The following ANK1 variants were observed in gnomAD, a reference collection of about 807,000 sequenced individuals.
ANK1 encodes ankyrin 1, also known as ankyrin-1.
A neutral mutation model predicts 210.4 loss-of-function variants in ANK1; 51 were observed. The observed-to-expected ratio is 0.24, with a 90% CI of 0.19 to 0.31. ANK1 has a LOEUF of 0.31. Ranked by LOEUF, ANK1 falls within the 10% of genes least tolerant of loss-of-function variation. ANK1 has a pLI of 1.00. For missense variants in ANK1, 2,051 were observed against 2,504.4 expected (o/e 0.82, Z 3.86); for synonymous variants, 967 against 1,025.9 (o/e 0.94, Z 1.10).
intron 1 of ANK1, among the ~76,000 whole-genome samples, chr8:41,858,591 G>A (rs1164024956): frequency 2.6e-5 from 4 of 152,182 alleles, no homozygotes; most frequent in Non-Finnish European, 5.9e-5. Flanking sequence ...CACAGCCGCA[G>A]GGAGCCCACA....
rs767975467 is a variant in ANK1 at position 41,748,505 on chromosome 8, CT to C, written c.129+9530del. Among the ~76,000 whole-genome samples the C allele has an allele frequency of 8.3e-4, 126 of 152,338 alleles. No individual in the cohort carries two copies. In the Middle Eastern group the frequency reaches 0.02, roughly 25 times the overall value. ...TTTCATGTACCCCAACCTCCCCGAA[CT>C]GCCCCCTGCCCCAGTGCCCTTTGGC... On this transcript the variant is annotated intron_variant, in intron 2 of 42. Coordinates refer to ENST00000289734, the MANE Select transcript of ANK1 (RefSeq NM_000037.4).
chr8:41,667,096 C>T (rs965483991), intron 39 of ANK1, among the ~76,000 whole-genome samples: 8 of 152,216 alleles, frequency 5.3e-5, no homozygotes, highest in East Asian at 1.9e-4. Context: ...GAGAACTAGG[C>T]GCCCAGGAGG....
intron 2 of ANK1, among the ~76,000 whole-genome samples, chr8:41,757,583 A>G (rs1586740364): frequency 1.3e-5 from 2 of 151,988 alleles, no homozygotes; most frequent in Non-Finnish European, 2.9e-5. Context: ...ACCCGAGCCC[A>G]CTCGCCTTTG....
chr8:41,787,757 G>A (rs1846720522), intron 1 of ANK1, among the ~76,000 whole-genome samples: 1 of 152,102 alleles, frequency 6.6e-6, no homozygotes. Context: ...GGAGGCTGCA[G>A]TGGGCCATGA....
chr8:41,689,895 C>A (rs1372640041), intron 33 of ANK1, among the ~76,000 whole-genome samples: 1 of 152,210 alleles, frequency 6.6e-6, no homozygotes, highest in Non-Finnish European at 1.5e-5. Flanking sequence ...GACACCGAGG[C>A]AGATGCCCTT....
At chr8:41,866,079 T>C (rs1814385464) in intron 1 of ANK1, among the ~76,000 whole-genome samples, 1 of 152,230 alleles carries the variant, frequency 6.6e-6, no homozygotes, top group African/African-American at 2.4e-5. Context: ...TGGGGACGTA[T>C]GGAGCCTGCC....
At chr8:41,868,149 G>A (rs1158037606) in intron 1 of ANK1, among the ~76,000 whole-genome samples, 1 of 152,220 alleles carries the variant, frequency 6.6e-6, no homozygotes, top group Non-Finnish European at 1.5e-5. Flanking sequence ...ATGAGCCATT[G>A]TACCCAGCCT....
chr8:41,781,901 G>C (rs1845410111), intron 1 of ANK1, among the ~76,000 whole-genome samples: 2 of 152,168 alleles, frequency 1.3e-5, no homozygotes. Flanking sequence ...TGAGGGCTGG[G>C]GGTCCCTGCT....
intron 1 of ANK1, among the ~76,000 whole-genome samples, chr8:41,850,773 T>A (rs188012551): frequency 6.6e-6 from 1 of 152,246 alleles, no homozygotes; most frequent in Non-Finnish European, 1.5e-5. Flanking sequence ...TGAGCTACCA[T>A]GCCTGGCCCA....
chr8:41,719,936 C>T, intron 9 of ANK1, 78 bp from the exon 10 acceptor site: 1 of 1,493,318 alleles, frequency 6.7e-7, no homozygotes, highest in South Asian at 1.1e-5. Context: ...ATTCCAACGT[C>T]ACTCCCTACT....
In ANK1 at chr8:41,696,580, C is replaced by G. The variant is rs774227775; in HGVS notation, c.2743G>C (p.Val915Leu). ...VASPVHTGFL[V>L]SFMVDARGGS... ...CCCCGGGCGTCAACCATGAAGCTCA[C>G]CAGAAACCTAGGAGTGGGGCAGATG... is the stretch of plus-strand genomic sequence containing the variant. The change falls in exon 26 of 43, where the codon GTG (valine) becomes CTG (leucine). Residue 915 changes from valine to leucine, a missense_variant. Transcript: ENST00000289734. 2 of 1,613,962 alleles carry G rather than the reference C, an allele frequency of 1.2e-6. No individual in the cohort carries two copies. The highest frequency in any genetic ancestry group is 1.7e-5 in the Admixed American group (1 of 60,028).
chr8:41,817,402 G>A (rs2150786954), intron 1 of ANK1, among the ~76,000 whole-genome samples: 1 of 152,360 alleles, frequency 6.6e-6, no homozygotes, highest in East Asian at 1.9e-4. Context: ...GTACTGGTAA[G>A]AAGGCTAGGT....
intron 1 of ANK1, among the ~76,000 whole-genome samples, chr8:41,773,852 GA>G (rs1418975371): frequency 6.6e-6 from 1 of 150,518 alleles, no homozygotes; most frequent in Non-Finnish European, 1.5e-5. Flanking sequence ...GCTGGAGAAG[GA>G]TGGGGAGTGG....
chr8:41,807,340 C>T (rs1268074928), intron 1 of ANK1, among the ~76,000 whole-genome samples: 3 of 152,220 alleles, frequency 2.0e-5, no homozygotes, highest in Admixed American at 2.0e-4. Context: ...CATGCTTAAC[C>T]ATGACACTAT....
At chr8:41,851,454 G>A (rs1182535264) in intron 1 of ANK1, among the ~76,000 whole-genome samples, 3 of 152,272 alleles carry the variant, frequency 2.0e-5, no homozygotes, top group Non-Finnish European at 4.4e-5. Context: ...CACAGGGCAG[G>A]CAAGCAGTGG....
rs1246665457 is a variant in ANK1 at position 41,699,555 on chromosome 8, C to T, written c.2462-7G>A. On this transcript the variant is annotated splice_polypyrimidine_tract_variant and splice_region_variant and intron_variant, in intron 22 of 42. Transcript: ENST00000289734. The stretch of plus-strand genomic sequence containing the variant: ...AAGCTGATGAGTTCTTCCCCTGAAA[C>T]AGCAAGAGCTCAAGTGAGCGACGGG... 1 of 1,613,652 alleles carries T rather than the reference C, an allele frequency of 6.2e-7. No homozygotes were observed. Among genetic ancestry groups the T allele is most frequent in the Non-Finnish European group, 8.5e-7 (1 of 1,179,736 alleles).
intron 1 of ANK1, among the ~76,000 whole-genome samples, chr8:41,802,666 G>T (rs537573564): frequency 2.0e-5 from 3 of 152,144 alleles, no homozygotes; most frequent in African/African-American, 7.2e-5. Context: ...CATAACAGCT[G>T]GGCACAGTGG....
intron 1 of ANK1, among the ~76,000 whole-genome samples, chr8:41,764,723 G>A (rs541119731): frequency 1.3e-5 from 2 of 152,236 alleles, no homozygotes; most frequent in East Asian, 1.9e-4. Flanking sequence ...GTGCGTGTTC[G>A]GGGATCTGCA....
intron 24 of ANK1, among the ~76,000 whole-genome samples, chr8:41,697,182 C>T (rs1190323949): frequency 1.3e-5 from 2 of 152,340 alleles, no homozygotes; most frequent in African/African-American, 4.8e-5. Flanking sequence ...GACCGCCTCG[C>T]CAGTTAGCTG....
Sources: gnomAD v4.1 joint callset for allele counts (sites outside exome capture counted in the v4.1 genomes callset) on GRCh38, gnomAD v4.1.1 for gene constraint, MANE v1.5 for transcripts, NCBI Gene and HGNC (gene_info 2026-07-23, HGNC 2026-07-21) for gene names.